ACVR2A: variants seen among roughly 807,000 people sequenced by gnomAD.
ACVR2A encodes the protein activin receptor type-2A.
Under a neutral mutation model 61.4 loss-of-function variants are expected in ACVR2A, and 7 were observed. That is an observed-to-expected ratio of 0.11 (90% confidence interval 0.06 to 0.21). ACVR2A has a LOEUF of 0.21. Among genes scored for constraint, ACVR2A ranks in the 10% least tolerant of loss-of-function variants. The pLI is 1.00. For synonymous variants in ACVR2A, 193 were observed against 208.3 expected (o/e 0.93, Z 0.63); for missense variants, 322 against 621.7 (o/e 0.52, Z 5.13).
intron 4 of ACVR2A, among the ~76,000 whole-genome samples, chr2:147,910,640 A>C (rs1687090425): frequency 6.6e-6 from 1 of 152,138 alleles, no homozygotes; most frequent in East Asian, 1.9e-4. Flanking sequence ...GCCATCATCC[A>C]TTGGAGGAAT....
chr2:147,865,833 A>G (rs2105150385), intron 1 of ACVR2A, among the ~76,000 whole-genome samples: 1 of 152,342 alleles, frequency 6.6e-6, no homozygotes, highest in Non-Finnish European at 1.5e-5. Context: ...TTTATGCAGC[A>G]CATGGAATCT....
intron 1 of ACVR2A, among the ~76,000 whole-genome samples, chr2:147,856,560 A>G (rs114922011): frequency 3.3e-3 from 510 of 152,300 alleles, no homozygotes; most frequent in East Asian, 8.3e-3. Flanking sequence ...GGATTAGTGA[A>G]TACAGTTTGC....
chr2:147,873,466 G>T (rs536617635), intron 1 of ACVR2A, among the ~76,000 whole-genome samples: 3 of 151,790 alleles, frequency 2.0e-5, no homozygotes, highest in Non-Finnish European at 4.4e-5. Flanking sequence ...ATTCATATTA[G>T]CCACTTTTCT....
intron 1 of ACVR2A, among the ~76,000 whole-genome samples, chr2:147,847,247 T>A (rs1221324845): frequency 3.3e-5 from 5 of 152,186 alleles, no homozygotes; most frequent in Non-Finnish European, 7.4e-5. Flanking sequence ...TATGTGATTC[T>A]GTTGAAGATA....
intron 1 of ACVR2A, among the ~76,000 whole-genome samples, chr2:147,871,836 C>T (rs1686026956): frequency 1.3e-5 from 2 of 152,032 alleles, no homozygotes; most frequent in Non-Finnish European, 1.5e-5. Flanking sequence ...TTCTTTTAAT[C>T]GACATCTTGT....
intron 8 of ACVR2A, 41 bp downstream of exon 8, chr2:147,920,385 G>T (rs748239172): frequency 6.8e-7 from 1 of 1,478,626 alleles, no homozygotes; most frequent in Non-Finnish European, 9.4e-7. Flanking sequence ...AAATAAACTT[G>T]TTCCATATTT....
At chr2:147,926,223 TTA>T in intron 10 of ACVR2A, 62 bp downstream of exon 10, 1 of 1,555,702 alleles carries the variant, frequency 6.4e-7, no homozygotes. Context: ...GAGGAATTAT[TTA>T]TCTCTGCACA....
At position 147,862,023 on chromosome 2, in the gene ACVR2A, C is replaced by T. The variant is rs142604396; in HGVS notation, c.55+16816C>T. Reference sequence around the variant, plus strand: ...TGAGATAATGCAATTTGCCTGAAGTCACTAATCAGTGGAGCTAGAACTAAA... The same window carrying T: ...TGAGATAATGCAATTTGCCTGAAGTTACTAATCAGTGGAGCTAGAACTAAA... On this transcript the variant is annotated intron_variant, in intron 1 of 10. Coordinates refer to ENST00000241416, the MANE Select transcript of ACVR2A (RefSeq NM_001616.5). Among the ~76,000 whole-genome samples the T allele has an allele frequency of 3.3e-5, 5 of 152,246 alleles. No individual in the cohort carries two copies. In the East Asian group the frequency reaches 7.7e-4, roughly 24 times the overall value.
rs1687268770 is a variant in ACVR2A at position 147,917,275 on chromosome 2, G to T, written c.673-8G>T. 1.2e-6 allele frequency: 2 copies of T among 1,607,116 alleles called. No individual in the cohort carries two copies. Among genetic ancestry groups the T allele is most frequent in the Non-Finnish European group, 1.7e-6 (2 of 1,176,634 alleles). On this transcript the variant is annotated splice_polypyrimidine_tract_variant and splice_region_variant and intron_variant, in intron 5 of 10. Coordinates refer to ENST00000241416, the MANE Select transcript of ACVR2A (RefSeq NM_001616.5). ...TGTGTTCTTACTATTCTTTCTTTTT[G>T]ACTCTAGGACAAACAGTCATGGCAA...
intron 1 of ACVR2A, among the ~76,000 whole-genome samples, chr2:147,882,825 T>A (rs1438603783): frequency 6.6e-6 from 1 of 152,046 alleles, no homozygotes; most frequent in Non-Finnish European, 1.5e-5. Context: ...GGAAAAAAAA[T>A]TTCTGGGAAG....
At chr2:147,859,366 G>A (rs1240598986) in intron 1 of ACVR2A, among the ~76,000 whole-genome samples, 1 of 152,028 alleles carries the variant, frequency 6.6e-6, no homozygotes, top group African/African-American at 2.4e-5. Context: ...CTTTCTGTGT[G>A]TGATTAGAGA....
At chr2:147,868,276 C>T (rs1054294452) in intron 1 of ACVR2A, among the ~76,000 whole-genome samples, 7 of 152,220 alleles carry the variant, frequency 4.6e-5, no homozygotes, top group African/African-American at 1.2e-4. Flanking sequence ...GGCTAGCATA[C>T]GCAAGAGCTT....
At chr2:147,918,414 A>G in intron 6 of ACVR2A, 33 bp from the exon 7 acceptor site, 1 of 1,588,990 alleles carries the variant, frequency 6.3e-7, no homozygotes, top group Non-Finnish European at 8.5e-7. Context: ...CTTTGTCAAG[A>G]ACATAAGTTT....
chr2:147,870,881 T>C (rs984335911), intron 1 of ACVR2A, among the ~76,000 whole-genome samples: 6 of 152,120 alleles, frequency 3.9e-5, no homozygotes, highest in African/African-American at 1.4e-4. Context: ...ATCTTTTTCA[T>C]ATACTGCTTC....
intron 1 of ACVR2A, among the ~76,000 whole-genome samples, chr2:147,861,998 T>C (rs1016151646): frequency 6.6e-6 from 1 of 152,102 alleles, no homozygotes; most frequent in African/African-American, 2.4e-5. Context: ...ACTCAAACCC[T>C]GAGATAATGC....
chr2:147,881,572 CT>C (rs377021508), intron 1 of ACVR2A, among the ~76,000 whole-genome samples: 5 of 128,238 alleles, frequency 3.9e-5, no homozygotes, highest in Non-Finnish European at 6.4e-5. Context: ...TAGTTAGCAT[CT>C]TTTTTTTTCT....
intron 1 of ACVR2A, among the ~76,000 whole-genome samples, chr2:147,878,009 G>T (rs1266010764): frequency 1.3e-5 from 2 of 152,140 alleles, no homozygotes; most frequent in Admixed American, 6.6e-5. Flanking sequence ...TATAGTAGAA[G>T]CTGTTGCCTG....
chr2:147,919,067 A>G (rs774417040), intron 7 of ACVR2A, among the ~76,000 whole-genome samples: 5 of 152,134 alleles, frequency 3.3e-5, no homozygotes, highest in Non-Finnish European at 5.9e-5. Flanking sequence ...AACAGTTGTC[A>G]TGCCCGCAAA....
At chr2:147,853,223 A>T (rs903671464) in intron 1 of ACVR2A, among the ~76,000 whole-genome samples, 6 of 152,262 alleles carry the variant, frequency 3.9e-5, no homozygotes, top group Middle Eastern at 3.4e-3. Flanking sequence ...TATTTGGAAA[A>T]ATAAGAGTAC....
Sources: gnomAD v4.1 joint callset for allele counts (sites outside exome capture counted in the v4.1 genomes callset) on GRCh38, gnomAD v4.1.1 for gene constraint, MANE v1.5 for transcripts, NCBI Gene and HGNC (gene_info 2026-07-23, HGNC 2026-07-21) for gene names.